The following DLC1 variants were observed in gnomAD, a reference collection of about 807,000 sequenced individuals.
DLC1 encodes DLC1 Rho GTPase activating protein.
DLC1 carries 54 observed loss-of-function variants against 140.3 expected under a neutral mutation model. That is an observed-to-expected ratio of 0.38 (90% confidence interval 0.31 to 0.48). The LOEUF (loss-of-function observed/expected upper bound fraction) is 0.48. DLC1 is among the 20% of genes least tolerant of loss of function. The pLI is 0.96. For synonymous variants in DLC1, 986 were observed against 728.1 expected (o/e 1.35, Z -5.70); for missense variants, 2,536 against 1,907.0 (o/e 1.33, Z -6.14).
chr8:13,493,656 A>G lies in DLC1; in HGVS notation c.1023+5393T>C, dbSNP rs117489831. On this transcript the variant is annotated intron_variant, in intron 2 of 17. Coordinates refer to ENST00000276297, the MANE Select transcript of DLC1 (RefSeq NM_182643.3). ...TGTTATACTGTTAAATATAATTACA[A>G]TATATTCTATACCTCTTTACATTGT... is the stretch of plus-strand genomic sequence containing the variant. 2.9e-3 allele frequency among the ~76,000 whole-genome samples: 437 copies of G among 152,324 alleles called. 9 individuals are homozygous for G. The East Asian group carries it at 0.071, about 25-fold the overall frequency.
chr8:13,496,803 TTTTTTTTTTTTTTTTG>T lies in DLC1; in HGVS notation c.1023+2230_1023+2245del, dbSNP rs1181282596. ...ACCATTTCCTTTTTTTTTTTTTTTT[TTTTTTTTTTTTTTTTG>T]AGATGGAGTTTCGCTGTGTCACCCA... is the stretch of plus-strand genomic sequence containing the variant. On this transcript the variant is annotated intron_variant, in intron 2 of 17. Coordinates refer to ENST00000276297, the MANE Select transcript of DLC1 (RefSeq NM_182643.3). 1.3e-4 allele frequency among the ~76,000 whole-genome samples: 16 copies of T among 125,916 alleles called. 4 individuals are homozygous for T. In the South Asian group the frequency reaches 2.7e-3, roughly 21 times the overall value. The allele number at this position is 125,916 out of a possible 152,430, so 82.6% of individuals were successfully genotyped here.
chr8:13,431,989 G>A (rs971295232), intron 2 of DLC1, among the ~76,000 whole-genome samples: 4 of 152,132 alleles, frequency 2.6e-5, no homozygotes, highest in Admixed American at 2.6e-4. Flanking sequence ...CACAACTCTT[G>A]TATTTGTTTA....
At chr8:13,447,305 A>G (rs974216148) in intron 2 of DLC1, among the ~76,000 whole-genome samples, 13 of 152,340 alleles carry the variant, frequency 8.5e-5, no homozygotes, top group African/African-American at 3.1e-4. Context: ...CACTGTTAAT[A>G]TTACATAATT....
At chr8:13,409,524 A>C (rs1397720750) in intron 2 of DLC1, among the ~76,000 whole-genome samples, 2 of 152,178 alleles carry the variant, frequency 1.3e-5, no homozygotes, top group Admixed American at 1.3e-4. Context: ...ATAAGACAAT[A>C]TTGCATTGGA....
chr8:13,308,328 A>G (rs1010438219), intron 4 of DLC1, among the ~76,000 whole-genome samples: 1 of 152,192 alleles, frequency 6.6e-6, no homozygotes, highest in African/African-American at 2.4e-5. Flanking sequence ...AGACCATATT[A>G]CAATGTAGAG....
intron 4 of DLC1, among the ~76,000 whole-genome samples, chr8:13,353,136 T>C (rs927117255): frequency 4.6e-5 from 7 of 152,244 alleles, no homozygotes; most frequent in Non-Finnish European, 1.0e-4. Flanking sequence ...ATACGTGGCT[T>C]TCCTCTTGTC....
intron 7 of DLC1, among the ~76,000 whole-genome samples, chr8:13,104,326 G>C (rs1386697519): frequency 7.4e-6 from 1 of 135,544 alleles, no homozygotes; most frequent in East Asian, 2.1e-4. Flanking sequence ...GGGAAATTTA[G>C]TTTCGTTGAA....
chr8:13,528,495 T>A (rs138535901), intron 1 of DLC1, among the ~76,000 whole-genome samples: 66 of 152,300 alleles, frequency 4.3e-4, no homozygotes, highest in African/African-American at 1.2e-3. Flanking sequence ...TATAAAAGAT[T>A]TCTTTTATCC....
At chr8:13,569,792 G>C (rs568332450) in intron 1 of DLC1, among the ~76,000 whole-genome samples, 23 of 152,294 alleles carry the variant, frequency 1.5e-4, no homozygotes, top group Admixed American at 5.2e-4. Context: ...TGCAATTACT[G>C]CTTACTGCAG....
chr8:13,499,442 T>C lies in DLC1; in HGVS notation c.630A>G (p.Ala210=), dbSNP rs372711720. The C allele has an allele frequency of 3.1e-6, 5 of 1,613,934 alleles. No individual in the cohort carries two copies. The African/African-American group carries it at 6.7e-5, about 22-fold the overall frequency. The change falls in exon 2 of 18, where the codon GCA becomes GCG. Residue 210 remains alanine (A), a synonymous_variant. Transcript: ENST00000276297. The stretch of plus-strand genomic sequence containing the variant: ...TATCTTTCACGTTCAAAGTATCCAC[T>C]GCATTTACTTTGGGTGCATCTTTTA... ...SEIKDAPKVN[A]VDTLNVKDIA...
intron 2 of DLC1, among the ~76,000 whole-genome samples, chr8:13,410,465 C>T (rs11203485): frequency 0.32 from 48,012 of 151,694 alleles, 7,807 homozygotes; most frequent in Middle Eastern, 0.35. Context: ...GAGAATAATA[C>T]GAAAATCTGA....
intron 1 of DLC1, among the ~76,000 whole-genome samples, chr8:13,598,234 A>G (rs1221474192): frequency 6.6e-6 from 1 of 152,114 alleles, no homozygotes; most frequent in African/African-American, 2.4e-5. Context: ...TCTCTTTCTT[A>G]ATTTGTCTAA....
chr8:13,328,095 G>C (rs539347207), intron 4 of DLC1, among the ~76,000 whole-genome samples: 1 of 152,166 alleles, frequency 6.6e-6, no homozygotes, highest in Non-Finnish European at 1.5e-5. Flanking sequence ...TGCTGCTGAG[G>C]CGGTCACTAG....
At chr8:13,245,378 C>G (rs773551607) in intron 5 of DLC1, among the ~76,000 whole-genome samples, 1 of 152,226 alleles carries the variant, frequency 6.6e-6, no homozygotes, top group Non-Finnish European at 1.5e-5. Context: ...GTGCCTATCC[C>G]AATTCTGACC....
intron 5 of DLC1, among the ~76,000 whole-genome samples, chr8:13,119,848 G>A (rs1820886675): frequency 1.3e-5 from 2 of 151,754 alleles, no homozygotes; most frequent in South Asian, 4.2e-4. Context: ...TCAGGAGGCT[G>A]AGGTGGGAGG....
At chr8:13,254,509 C>T (rs898503873) in intron 5 of DLC1, among the ~76,000 whole-genome samples, 1 of 152,126 alleles carries the variant, frequency 6.6e-6, no homozygotes, top group African/African-American at 2.4e-5. Flanking sequence ...TGCATGAATA[C>T]AATTGATGCC....
intron 5 of DLC1, among the ~76,000 whole-genome samples, chr8:13,267,059 G>A (rs573534709): frequency 3.4e-4 from 52 of 152,274 alleles, no homozygotes; most frequent in Admixed American, 1.6e-3. Context: ...TCATTTGGCT[G>A]GAATTCACTA....
At chr8:13,144,674 A>C (rs1364663260) in intron 5 of DLC1, among the ~76,000 whole-genome samples, 3 of 152,198 alleles carry the variant, frequency 2.0e-5, no homozygotes, top group African/African-American at 4.8e-5. Context: ...CTGAGGCAGG[A>C]GAATGGTGTG....
At chr8:13,337,138 G>A (rs1275167043) in intron 4 of DLC1, among the ~76,000 whole-genome samples, 2 of 152,096 alleles carry the variant, frequency 1.3e-5, no homozygotes, top group African/African-American at 2.4e-5. Context: ...ATGGTTACAA[G>A]AGCATTTAAT....
Sources: allele counts gnomAD v4.1 joint callset (sites outside exome capture counted in the v4.1 genomes callset), GRCh38; gene constraint gnomAD v4.1.1; transcripts MANE v1.5; gene names NCBI Gene and HGNC (gene_info 2026-07-23, HGNC 2026-07-21).